COP1: variants seen among roughly 807,000 people sequenced by gnomAD.
COP1 encodes COP1 E3 ubiquitin ligase, also known as E3 ubiquitin-protein ligase COP1.
A neutral mutation model predicts 101.3 loss-of-function variants in COP1; 24 were observed. The observed-to-expected ratio is 0.24, with a 90% confidence interval of 0.17 to 0.33. The LOEUF (loss-of-function observed/expected upper bound fraction) is 0.33. COP1 is among the 10% of genes least tolerant of loss of function. COP1 has a pLI of 1.00. For synonymous variants in COP1, 347 were observed against 341.9 expected, an observed-to-expected ratio of 1.01 and a Z score of -0.17; for missense variants, 663 against 906.2, an observed-to-expected ratio of 0.73 and a Z score of 3.45.
intron 18 of COP1, among the ~76,000 whole-genome samples, chr1:175,956,342 A>G (rs569652857): frequency 6.6e-6 from 1 of 152,280 alleles, no homozygotes; most frequent in South Asian, 2.1e-4. Flanking sequence ...GTAAACTTCA[A>G]TCCTTCTATC....
chr1:176,049,033 G>A (rs1278077152), intron 11 of COP1, among the ~76,000 whole-genome samples: 10 of 151,496 alleles, frequency 6.6e-5, no homozygotes, highest in South Asian at 4.2e-4. Flanking sequence ...TTAGCCAGGC[G>A]CGGTGGCGGG....
At chr1:176,082,056 T>C (rs1572118065) in intron 10 of COP1, among the ~76,000 whole-genome samples, 1 of 152,204 alleles carries the variant, frequency 6.6e-6, no homozygotes, top group Non-Finnish European at 1.5e-5. Flanking sequence ...GTTTACGAAG[T>C]ACCTGAGAAT....
rs1281969676 is a variant in COP1 at position 176,190,837 on chromosome 1, A to G, written c.408-6145T>C. 4.6e-5 allele frequency among the ~76,000 whole-genome samples: 7 copies of G among 152,032 alleles called. No individual in the cohort carries two copies. In the East Asian group the frequency reaches 1.3e-3, roughly 29 times the overall value. On this transcript the variant is annotated intron_variant, in intron 1 of 19. Coordinates refer to ENST00000367669, the MANE Select transcript of COP1 (RefSeq NM_022457.7). ...TTTTAGTACAAATGCTAACTCCATT[A>G]TGCTTTCATAAAATGTGTCAACTGT...
intron 15 of COP1, among the ~76,000 whole-genome samples, chr1:176,010,487 G>T (rs954806863): frequency 5.9e-5 from 9 of 152,130 alleles, no homozygotes; most frequent in Admixed American, 5.9e-4. Context: ...GAAGCATTCA[G>T]GACAGCTGTT....
At chr1:176,094,259 C>G (rs968777755) in intron 9 of COP1, among the ~76,000 whole-genome samples, 29 of 151,968 alleles carry the variant, frequency 1.9e-4, no homozygotes, top group African/African-American at 6.3e-4. Context: ...ATTCAAAACC[C>G]TAGAGTAAAT....
intron 15 of COP1, among the ~76,000 whole-genome samples, chr1:175,989,946 C>T (rs115845968): frequency 2.0e-3 from 308 of 152,180 alleles, no homozygotes; most frequent in African/African-American, 7.2e-3. Context: ...GATAAGATCA[C>T]TCATTTGGCA....
intron 15 of COP1, among the ~76,000 whole-genome samples, chr1:176,021,385 G>T (rs1450793379): frequency 1.3e-5 from 2 of 152,080 alleles, no homozygotes; most frequent in Non-Finnish European, 2.9e-5. Flanking sequence ...AAACTCAGCA[G>T]GTGCCAAATT....
rs547680183 is a variant in COP1, at chr1:176,000,729, C to CT, written c.1730-11251dup. Among the ~76,000 whole-genome samples, 617 of 147,010 alleles carry CT rather than the reference C, an allele frequency of 4.2e-3. 5 individuals carry two copies. Among genetic ancestry groups the CT allele is most frequent in the African/African-American group, 0.014 (562 of 40,250 alleles). The stretch of plus-strand genomic sequence containing the variant: ...GGTAGAATTTTTACATGCAATGTTG[C>CT]TTTTTTTTTTGTTATGTCATTTGCT... On this transcript the variant is annotated intron_variant, in intron 15 of 19. Transcript: ENST00000367669.
chr1:175,968,332 C>T, intron 18 of COP1: 1 of 434,178 alleles, frequency 2.3e-6, no homozygotes. Flanking sequence ...TAATACAGTA[C>T]TCATAACCAG....
At position 176,207,258 on chromosome 1, in the gene COP1, C is replaced by A. The variant is rs1700963969; in HGVS notation, c.-280G>T. On this transcript the variant is annotated 5_prime_UTR_variant, in exon 1 of 20. Coordinates refer to ENST00000367669, the MANE Select transcript of COP1 (RefSeq NM_022457.7). ...CCTGTAGCAGCCAACCCCGGCGCGC[C>A]GTGGCCGGCCGTGCGCGCGCGCGCG... 2.6e-6 allele frequency: 1 copy of A among 391,904 alleles called. No individual in the cohort carries two copies. The highest frequency in any genetic ancestry group is 4.5e-6 in the Non-Finnish European group (1 of 221,836). 24.3% of individuals were successfully genotyped at this position (391,904 alleles called of 1,614,324 possible).
At chr1:176,000,031 T>A (rs1344399876) in intron 15 of COP1, among the ~76,000 whole-genome samples, 1 of 152,150 alleles carries the variant, frequency 6.6e-6, no homozygotes, top group Non-Finnish European at 1.5e-5. Context: ...ATGAGTAGTT[T>A]GCAAATATTT....
chr1:176,126,895 G>A (rs1295300036), intron 8 of COP1, among the ~76,000 whole-genome samples: 1 of 152,046 alleles, frequency 6.6e-6, no homozygotes, highest in Non-Finnish European at 1.5e-5. Context: ...AATTACTACA[G>A]TTTTTGGAAC....
chr1:176,043,651 A>T, intron 13 of COP1, 59 bp downstream of exon 13: 1 of 1,011,696 alleles, frequency 9.9e-7, no homozygotes. Flanking sequence ...TGAAGTTCTA[A>T]AAGTTTTAAC....
chr1:176,103,795 T>C (rs1018022859), intron 9 of COP1, among the ~76,000 whole-genome samples: 3 of 152,242 alleles, frequency 2.0e-5, no homozygotes, highest in African/African-American at 7.2e-5. Context: ...AATAAACTTA[T>C]GAAAAATATA....
rs186311941 is a variant in COP1, at chr1:176,181,560, T to C, written c.467+3073A>G. ...CAGTGGGTATCTTAAAACACATTCT[T>C]GGCTGGGCGCAGTGGCTCACGCTTG... On this transcript the variant is annotated intron_variant, in intron 2 of 19. Coordinates refer to ENST00000367669, the MANE Select transcript of COP1 (RefSeq NM_022457.7). Among the ~76,000 whole-genome samples the C allele has an allele frequency of 2.6e-3, 396 of 152,212 alleles. 3 individuals carry two copies. The highest frequency in any genetic ancestry group is 9.1e-3 in the African/African-American group (379 of 41,548).
At chr1:176,098,766 T>C (rs1030189507) in intron 9 of COP1, among the ~76,000 whole-genome samples, 1 of 152,236 alleles carries the variant, frequency 6.6e-6, no homozygotes, top group Non-Finnish European at 1.5e-5. Context: ...TTCTATTTCA[T>C]AACATCAAGT....
chr1:176,040,449 T>C (rs2149158764), intron 14 of COP1, among the ~76,000 whole-genome samples: 1 of 152,102 alleles, frequency 6.6e-6, no homozygotes, highest in African/African-American at 2.4e-5. Context: ...TCCCAAGCGC[T>C]GAGACTACCT....
intron 18 of COP1, among the ~76,000 whole-genome samples, chr1:175,952,845 A>G (rs1350162567): frequency 6.6e-6 from 1 of 152,162 alleles, no homozygotes; most frequent in Non-Finnish European, 1.5e-5. Context: ...TGAGCCTAGG[A>G]GTTTGAGGCT....
chr1:176,128,301 T>C (rs1446090405), intron 8 of COP1, among the ~76,000 whole-genome samples: 2 of 152,096 alleles, frequency 1.3e-5, no homozygotes, highest in Non-Finnish European at 2.9e-5. Context: ...TGAATTTCTA[T>C]TACCTATCAA....
Sources: gnomAD v4.1 joint callset for allele counts (sites outside exome capture counted in the v4.1 genomes callset) on GRCh38, gnomAD v4.1.1 for gene constraint, MANE v1.5 for transcripts, NCBI Gene and HGNC (gene_info 2026-07-23, HGNC 2026-07-21) for gene names.